OBI1: variants seen among roughly 807,000 people sequenced by gnomAD.
The protein encoded by OBI1 is ring finger protein 219.
A neutral mutation model predicts 62.4 loss-of-function variants in OBI1; 59 were observed. The ratio of observed to expected loss-of-function variants is 0.95; its 90% CI spans 0.77 to 1.17. The LOEUF (loss-of-function observed/expected upper bound fraction) is 1.17. Among genes scored for constraint, OBI1 ranks in the 50% most tolerant of loss-of-function variants. OBI1 has a pLI of 0.00. For missense variants in OBI1, 875 were observed against 830.9 expected, an observed-to-expected ratio of 1.05 and a Z score of -0.65; for synonymous variants, 302 against 292.8, an observed-to-expected ratio of 1.03 and a Z score of -0.32.
rs147483635 is a variant in OBI1 at position 78,639,018 on chromosome 13, G to C, written c.354C>G (p.Leu118=). The C allele has an allele frequency of 1.2e-6, 2 of 1,613,822 alleles. No homozygotes were observed. Among genetic ancestry groups the C allele is most frequent in the Admixed American group, 3.3e-5 (2 of 60,008 alleles). The change falls in exon 4 of 6, where the codon CTC becomes CTG. Residue 118 remains leucine, a synonymous_variant. Coordinates refer to ENST00000282003, the MANE Select transcript of OBI1 (RefSeq NM_024546.4). ...TAGTTTTGATCTGTGACTCCAAGCT[G>C]AGATTTTTACTCTTAAGCTCTTCTA... ...KEVEELKSKN[L]SLESQIKTIL...
At chr13:78,621,769 A>C (rs1875519746) in intron 5 of OBI1, among the ~76,000 whole-genome samples, 1 of 152,210 alleles carries the variant, frequency 6.6e-6, no homozygotes, top group Non-Finnish European at 1.5e-5. Context: ...TGTCTAGAGA[A>C]AATGACAGGC....
intron 1 of OBI1, among the ~76,000 whole-genome samples, chr13:78,649,844 T>A (rs1294259646): frequency 6.6e-6 from 1 of 152,124 alleles, no homozygotes; most frequent in Non-Finnish European, 1.5e-5. Context: ...GGTTGGAAGA[T>A]CTGTGGATGG....
chr13:78,635,571 A>G (rs565914684), intron 4 of OBI1, among the ~76,000 whole-genome samples: 1 of 152,276 alleles, frequency 6.6e-6, no homozygotes, highest in East Asian at 1.9e-4. Context: ...TCGGCAAACT[A>G]ATGCTGAAGA....
chr13:78,658,042 T>C (rs1282487683), intron 1 of OBI1, among the ~76,000 whole-genome samples: 1 of 152,234 alleles, frequency 6.6e-6, no homozygotes, highest in Non-Finnish European at 1.5e-5. Context: ...CTTCTACTTT[T>C]TGAATCCAGT....
chr13:78,659,049 C>G lies in OBI1; in HGVS notation c.72G>C (p.Lys24Asn), dbSNP rs955332581. 1.2e-6 allele frequency: 2 copies of G among 1,612,922 alleles called. No homozygotes were observed. The highest frequency in any genetic ancestry group is 1.1e-5 in the South Asian group (1 of 90,974). ...AGCTGTGCCCACAATCACCCATTAC[C>G]TTCCCCAAGCAAATGTGGCACGTGA... The part of the protein sequence containing the change: ...LPITCHICLG[K>N]VRQPVICINN... The change falls in exon 1 of 6, where the codon AAG (lysine) becomes AAC (asparagine). Residue 24 changes from lysine to asparagine, a missense_variant and splice_region_variant. Transcript: ENST00000282003.
intron 5 of OBI1, among the ~76,000 whole-genome samples, chr13:78,621,454 A>C (rs905052994): frequency 3.3e-5 from 5 of 152,246 alleles, no homozygotes; most frequent in African/African-American, 1.2e-4. Flanking sequence ...ACATACAGAC[A>C]GCAAAGTGTG....
chr13:78,618,624 G>T (rs1367278461), intron 5 of OBI1, among the ~76,000 whole-genome samples: 1 of 152,024 alleles, frequency 6.6e-6, no homozygotes, highest in Non-Finnish European at 1.5e-5. Context: ...GGCTTTAAAA[G>T]ACATGATTGC....
rs1875231097 is a variant in OBI1 at position 78,615,457 on chromosome 13, T to C, written c.*123A>G. The C allele has an allele frequency of 1.5e-6, 1 of 675,120 alleles. No homozygotes were observed. The highest frequency in any genetic ancestry group is 2.0e-5 in the South Asian group (1 of 50,154). 41.8% of individuals were successfully genotyped at this position (675,120 alleles called of 1,614,324 possible). A position where few individuals can be genotyped will look rare whatever the true frequency, so the allele number is the denominator to read the frequency against. On this transcript the variant is annotated 3_prime_UTR_variant, in exon 6 of 6. Coordinates refer to ENST00000282003, the MANE Select transcript of OBI1 (RefSeq NM_024546.4). ...GTACAGGTTAATCCACCATCCTGAC[T>C]TGATACTTGACTAAAGATTATCAAT...
Position 78,615,466 on chromosome 13 carries a change from G to A in OBI1, c.*114C>T, listed in dbSNP as rs1875232278. On this transcript the variant is annotated 3_prime_UTR_variant, in exon 6 of 6. Transcript: ENST00000282003. Reference sequence around the variant, plus strand: ...AATCCACCATCCTGACTTGATACTTGACTAAAGATTATCAATTCCAATTTG... The same window carrying A: ...AATCCACCATCCTGACTTGATACTTAACTAAAGATTATCAATTCCAATTTG... 1 of 721,888 alleles carries A rather than the reference G, an allele frequency of 1.4e-6. No homozygotes were observed. Among genetic ancestry groups the A allele is most frequent in the Non-Finnish European group, 2.3e-6 (1 of 436,354 alleles). 44.7% of individuals were successfully genotyped at this position (721,888 alleles called of 1,614,324 possible). A position where few individuals can be genotyped will look rare whatever the true frequency, so the allele number is the denominator to read the frequency against.
At chr13:78,633,335 C>A (rs1210778630) in intron 5 of OBI1, among the ~76,000 whole-genome samples, 1 of 152,134 alleles carries the variant, frequency 6.6e-6, no homozygotes, top group Non-Finnish European at 1.5e-5. Context: ...GCTTTTTTCT[C>A]ATTGGTTAGT....
chr13:78,644,547 G>T (rs1876325958), intron 2 of OBI1, among the ~76,000 whole-genome samples: 1 of 152,002 alleles, frequency 6.6e-6, no homozygotes, highest in African/African-American at 2.4e-5. Flanking sequence ...GCCCTTCTCG[G>T]TGTTCTTAGC....
In OBI1 at chr13:78,635,119, G is replaced by C; in HGVS notation, c.629C>G (p.Ser210Ter). 6.3e-7 allele frequency: 1 copy of C among 1,599,514 alleles called. No individual in the cohort carries two copies. Among genetic ancestry groups the C allele is most frequent in the African/African-American group, 1.3e-5 (1 of 74,566 alleles). Residue 210 changes from serine (S) to a stop codon, truncating the protein, a stop_gained, in exon 5 of 6, where the codon TCA becomes TGA. Transcript: ENST00000282003. LOFTEE classifies it high-confidence loss of function. ...GGAGCAAAATACATACTTTTGAGGT[G>C]ATCTGTTATCAACTTCAGCCTTCAG... ...LRLKAEVDNR[S>*]PQKFGRFAVA...
At chr13:78,654,356 A>G (rs1876635231) in intron 1 of OBI1, among the ~76,000 whole-genome samples, 1 of 152,212 alleles carries the variant, frequency 6.6e-6, no homozygotes, top group Non-Finnish European at 1.5e-5. Context: ...AAAATGTAGA[A>G]CTTGCAGTCC....
chr13:78,620,757 C>G, intron 5 of OBI1: 3 of 412,862 alleles, frequency 7.3e-6, no homozygotes, highest in South Asian at 5.3e-5. Flanking sequence ...GCATCTCTAA[C>G]AACAAAAAGT....
At chr13:78,653,932 A>G (rs1333690957) in intron 1 of OBI1, among the ~76,000 whole-genome samples, 1 of 151,076 alleles carries the variant, frequency 6.6e-6, no homozygotes, top group African/African-American at 2.4e-5. Flanking sequence ...AACATTAGGA[A>G]TTTGGAAACT....
chr13:78,631,137 T>C (rs1417656299), intron 5 of OBI1, among the ~76,000 whole-genome samples: 4 of 152,176 alleles, frequency 2.6e-5, no homozygotes, highest in Non-Finnish European at 4.4e-5. Flanking sequence ...TGTCTGTATG[T>C]TTCCTCAGTC....
rs1181171111 is a variant in OBI1 at position 78,615,523 on chromosome 13, T to C, written c.*57A>G. ...ACTTTTATGAGGAAAAAAGGTAACT[T>C]TAACAACTTTTCTATTTCTCTCAGG... On this transcript the variant is annotated 3_prime_UTR_variant, in exon 6 of 6. Coordinates refer to ENST00000282003, the MANE Select transcript of OBI1 (RefSeq NM_024546.4). 7.5e-7 allele frequency: 1 copy of C among 1,331,726 alleles called. No homozygotes were observed. Among genetic ancestry groups the C allele is most frequent in the African/African-American group, 1.5e-5 (1 of 67,900 alleles). The allele number at this position is 1,331,726 out of a possible 1,614,324, so 82.5% of individuals were successfully genotyped here.
chr13:78,646,486 G>A (rs1473777162), intron 1 of OBI1, among the ~76,000 whole-genome samples: 1 of 152,058 alleles, frequency 6.6e-6, no homozygotes, highest in Non-Finnish European at 1.5e-5. Flanking sequence ...AAACAGCACA[G>A]AAAAATGTAG....
Position 78,656,125 on chromosome 13 carries a change from C to T in OBI1, c.72+2924G>A, listed in dbSNP as rs530682951. Among the ~76,000 whole-genome samples, 41 of 152,258 alleles carry T rather than the reference C, an allele frequency of 2.7e-4. No individual in the cohort carries two copies. In the South Asian group the frequency reaches 8.5e-3, roughly 32 times the overall value. On this transcript the variant is annotated intron_variant, in intron 1 of 5. Coordinates refer to ENST00000282003, the MANE Select transcript of OBI1 (RefSeq NM_024546.4). ...CTGGTTTCCTCAGTTTGAGGGCTGG[C>T]CTCAATGGCTATAGTAAAAGCTAAC... is the stretch of plus-strand genomic sequence containing the variant.
Sources: gnomAD v4.1 joint callset for allele counts (sites outside exome capture counted in the v4.1 genomes callset) on GRCh38, gnomAD v4.1.1 for gene constraint, MANE v1.5 for transcripts, NCBI Gene and HGNC (gene_info 2026-07-23, HGNC 2026-07-21) for gene names.